DHFR2: variants seen among roughly 807,000 people sequenced by gnomAD.
DHFR2 encodes dihydrofolate reductase 2, mitochondrial.
A neutral mutation model predicts 12.0 loss-of-function variants in DHFR2; 11 were observed. The ratio of observed to expected loss-of-function variants is 0.92; its 90% CI spans 0.58 to 1.52. The LOEUF is 1.52. DHFR2 is among the 40% of genes most tolerant of loss of function. The pLI is 0.00. For synonymous variants in DHFR2, 87 were observed against 79.6 expected, an observed-to-expected ratio of 1.09 and a Z score of -0.49; for missense variants, 188 against 221.2, an observed-to-expected ratio of 0.85 and a Z score of 0.95.
upstream of DHFR2, chr3:94,063,212 G>A: frequency 1.3e-6 from 2 of 1,481,818 alleles, no homozygotes; most frequent in Non-Finnish European, 1.9e-6. Context: ...TGGCGAGGGA[G>A]GGTGCTGGGA....
chr3:94,062,922 C>T (rs922593172), upstream of DHFR2: 2 of 572,622 alleles, frequency 3.5e-6, no homozygotes, highest in Non-Finnish European at 6.3e-6. Context: ...TAACTGCGCA[C>T]GAAATCTCCC....
rs568045605 is a variant in DHFR2 at position 94,058,180 on chromosome 3, T to C, written c.*2768A>G. ...TCAAATGGCTCCAAAAGTCTTACAA[T>C]GAAAACAGTCCTGCGACTTGTTCTT... is the stretch of plus-strand genomic sequence containing the variant. On this transcript the variant is annotated 3_prime_UTR_variant, in exon 2 of 2. Coordinates refer to ENST00000314636, the MANE Select transcript of DHFR2 (RefSeq NM_176815.5). 1 of 152,314 alleles carries C rather than the reference T, an allele frequency of 6.6e-6. No homozygotes were observed. Among genetic ancestry groups the C allele is most frequent in the South Asian group, 2.1e-4 (1 of 4,828 alleles). The allele number at this position is 152,314 out of a possible 1,614,324, so 9.4% of individuals were successfully genotyped here. A position where few individuals can be genotyped will look rare whatever the true frequency, so the allele number is the denominator to read the frequency against.
Position 94,061,662 on chromosome 3 carries a change from C to G in DHFR2, c.-95-56G>C. 2.7e-6 allele frequency: 3 copies of G among 1,115,894 alleles called. No individual in the cohort carries two copies. The South Asian group carries it at 1.2e-4, about 44-fold the overall frequency. 69.1% of individuals were successfully genotyped at this position (1,115,894 alleles called of 1,614,324 possible). On this transcript the variant is annotated intron_variant, in intron 1 of 1. Transcript: ENST00000314636. ...ATTAATTGCAACATTCTGGAATGAA[C>G]ATAGAAAAATAAATTATATAAAATA...
At position 94,060,397 on chromosome 3, in the gene DHFR2, T is replaced by C. The variant is rs560762709; in HGVS notation, c.*551A>G. On this transcript the variant is annotated 3_prime_UTR_variant, in exon 2 of 2. Transcript: ENST00000314636. ...TCGATTGATGACTTCTGGTATGACC[T>C]AGCAAATAAACTGCTTTCACTTAAA... The C allele has an allele frequency of 5.1e-4, 80 of 157,024 alleles. No homozygotes were observed. The highest frequency in any genetic ancestry group is 8.9e-4 in the Non-Finnish European group (63 of 70,998). 9.7% of individuals were successfully genotyped at this position (157,024 alleles called of 1,614,324 possible). A position where few individuals can be genotyped will look rare whatever the true frequency, so the allele number is the denominator to read the frequency against.
chr3:94,060,828 A>C lies in DHFR2; in HGVS notation c.*120T>G. 3 of 1,135,640 alleles carry C rather than the reference A, an allele frequency of 2.6e-6. No homozygotes were observed. The South Asian group carries it at 4.8e-5, about 18-fold the overall frequency. The allele number at this position is 1,135,640 out of a possible 1,614,324, so 70.3% of individuals were successfully genotyped here. ...GCCAAGATTAGTGAGGAATAAAAACACGTTGCTTAGAAATAATTATCCATA... is the reference window on the plus strand; with the variant it reads ...GCCAAGATTAGTGAGGAATAAAAACCCGTTGCTTAGAAATAATTATCCATA... On this transcript the variant is annotated 3_prime_UTR_variant, in exon 2 of 2. Coordinates refer to ENST00000314636, the MANE Select transcript of DHFR2 (RefSeq NM_176815.5).
At chr3:94,063,139 G>A (rs1560026989), upstream of DHFR2, 1 of 1,614,034 alleles carries the variant, frequency 6.2e-7, no homozygotes, top group Non-Finnish European at 8.5e-7. Flanking sequence ...GCTGACCCAG[G>A]TGAGACCTGG....
At position 94,058,733 on chromosome 3, in the gene DHFR2, T is replaced by G. The variant is rs1211195955; in HGVS notation, c.*2215A>C. The G allele has an allele frequency of 1.4e-3, 179 of 128,650 alleles. No homozygotes were observed. The highest frequency in any genetic ancestry group is 5.0e-3 in the African/African-American group (152 of 30,176). 8.0% of individuals were successfully genotyped at this position (128,650 alleles called of 1,614,324 possible). ...AACCCTTCCCCCTTGTTTTTTTTTG[T>G]TTTTTTTTTTTTTTACTTTTGCTTT... is the stretch of plus-strand genomic sequence containing the variant. On this transcript the variant is annotated 3_prime_UTR_variant, in exon 2 of 2. Coordinates refer to ENST00000314636, the MANE Select transcript of DHFR2 (RefSeq NM_176815.5).
chr3:94,062,565 A>G (rs1459396899), intron 1 of DHFR2, among the ~76,000 whole-genome samples, 181 bp downstream of exon 1: 1 of 152,244 alleles, frequency 6.6e-6, no homozygotes, highest in Non-Finnish European at 1.5e-5. Flanking sequence ...CAGTCATCAT[A>G]CAACATAACC....
At chr3:94,062,264 C>T (rs1303398997) in intron 1 of DHFR2, among the ~76,000 whole-genome samples, 2 of 152,058 alleles carry the variant, frequency 1.3e-5, no homozygotes, top group Non-Finnish European at 2.9e-5. Flanking sequence ...GGTATCAACG[C>T]GACAAAAATC....
chr3:94,063,151 G>A (rs1408061653), upstream of DHFR2: 3 of 1,613,712 alleles, frequency 1.9e-6, no homozygotes, highest in South Asian at 2.2e-5. Flanking sequence ...GAGACCTGGG[G>A]CCCGGCTGGG....
chr3:94,063,106 T>C (rs1257154747), upstream of DHFR2: 2 of 1,614,010 alleles, frequency 1.2e-6, no homozygotes, highest in Non-Finnish European at 1.7e-6. Flanking sequence ...CACCTGTTGT[T>C]TGAAAGCTCT....
In DHFR2 at chr3:94,058,509, T is replaced by G. The variant is rs1266110748; in HGVS notation, c.*2439A>C. On this transcript the variant is annotated 3_prime_UTR_variant, in exon 2 of 2. Coordinates refer to ENST00000314636, the MANE Select transcript of DHFR2 (RefSeq NM_176815.5). ...GATTTCTTGATATGACAGATGAGGA[T>G]TTAGCTCTTACACCATCACTATCTT... is the stretch of plus-strand genomic sequence containing the variant. The G allele has an allele frequency of 6.6e-6, 1 of 152,202 alleles. No individual in the cohort carries two copies. The highest frequency in any genetic ancestry group is 1.5e-5 in the Non-Finnish European group (1 of 68,072). 9.4% of individuals were successfully genotyped at this position (152,202 alleles called of 1,614,324 possible). A position where few individuals can be genotyped will look rare whatever the true frequency, so the allele number is the denominator to read the frequency against.
chr3:94,061,512 G>A lies in DHFR2; in HGVS notation c.-1C>T. ...CGATGCAGTTTAGCAAAAGAAACAT[G>A]ACAGCAGCGGTTAACACCTCCGAAC... On this transcript the variant is annotated 5_prime_UTR_variant, in exon 2 of 2. Coordinates refer to ENST00000314636, the MANE Select transcript of DHFR2 (RefSeq NM_176815.5). 1 of 1,614,124 alleles carries A rather than the reference G, an allele frequency of 6.2e-7. No individual in the cohort carries two copies. The highest frequency in any genetic ancestry group is 1.3e-5 in the African/African-American group (1 of 75,034).
chr3:94,063,236 C>A, upstream of DHFR2: 1 of 1,188,006 alleles, frequency 8.4e-7, no homozygotes, highest in Non-Finnish European at 1.3e-6. Context: ...GGGAACATCA[C>A]CTTTGTTCGT....
chr3:94,061,122 G>A lies in DHFR2; in HGVS notation c.390C>T (p.Gly130=). ...TCCTTGTCACAAATAGTTTAAGATG[G>A]CCTAGGTGATTCATGGCTTCCTTAT... ...SVYKEAMNHL[G]HLKLFVTRIM... Residue 130 remains glycine, a synonymous_variant, in exon 2 of 2, where the codon GGC becomes GGT. Coordinates refer to ENST00000314636, the MANE Select transcript of DHFR2 (RefSeq NM_176815.5). The A allele has an allele frequency of 6.2e-7, 1 of 1,613,866 alleles. No homozygotes were observed. The highest frequency in any genetic ancestry group is 8.5e-7 in the Non-Finnish European group (1 of 1,179,850).
At position 94,058,732 on chromosome 3, in the gene DHFR2, G is replaced by GTT. The variant is rs1221588717; in HGVS notation, c.*2214_*2215dup. ...CAACCCTTCCCCCTTGTTTTTTTTT[G>GTT]TTTTTTTTTTTTTTTACTTTTGCTT... On this transcript the variant is annotated 3_prime_UTR_variant, in exon 2 of 2. Transcript: ENST00000314636. The GTT allele has an allele frequency of 8.9e-4, 113 of 126,910 alleles. No individual in the cohort carries two copies. The highest frequency in any genetic ancestry group is 1.9e-3 in the East Asian group (8 of 4,314). 7.9% of individuals were successfully genotyped at this position (126,910 alleles called of 1,614,324 possible). A position where few individuals can be genotyped will look rare whatever the true frequency, so the allele number is the denominator to read the frequency against.
chr3:94,062,987 C>G (rs924120398), upstream of DHFR2: 1 of 904,182 alleles, frequency 1.1e-6, no homozygotes, highest in Non-Finnish European at 1.8e-6. Flanking sequence ...ATCAGTATCT[C>G]GCGAGAAATT....
rs2077156550 is a variant in DHFR2, at chr3:94,058,678, TC to T, written c.*2269del. 1 of 154,440 alleles carries T rather than the reference TC, an allele frequency of 6.5e-6. No individual in the cohort carries two copies. Among genetic ancestry groups the T allele is most frequent in the African/African-American group, 2.4e-5 (1 of 41,496 alleles). 9.6% of individuals were successfully genotyped at this position (154,440 alleles called of 1,614,324 possible). A position where few individuals can be genotyped will look rare whatever the true frequency, so the allele number is the denominator to read the frequency against. Reference sequence around the variant, plus strand: ...CTCTTACTTCCTATCCTGTACTTCTTCCTGCCCTAGAATTAATTATTGCCTA... The same window carrying T: ...CTCTTACTTCCTATCCTGTACTTCTTCTGCCCTAGAATTAATTATTGCCTA... On this transcript the variant is annotated 3_prime_UTR_variant, in exon 2 of 2. Coordinates refer to ENST00000314636, the MANE Select transcript of DHFR2 (RefSeq NM_176815.5).
chr3:94,061,300 C>A lies in DHFR2; in HGVS notation c.212G>T (p.Arg71Ile), dbSNP rs775609912. ...TTCTCTGCTGAGAACTAAATTAATT[C>A]TATCCTTTAAAGGTCGATTCTTCTC... ...IPEKNRPLKD[R>I]INLVLSRELK... Residue 71 changes from arginine to isoleucine, a missense_variant, in exon 2 of 2, where the codon AGA becomes ATA. Coordinates refer to ENST00000314636, the MANE Select transcript of DHFR2 (RefSeq NM_176815.5). The A allele has an allele frequency of 1.3e-5, 21 of 1,613,888 alleles. No individual in the cohort carries two copies. The highest frequency in any genetic ancestry group is 8.0e-5 in the African/African-American group (6 of 74,934).
Sources: gnomAD v4.1 joint callset for allele counts (sites outside exome capture counted in the v4.1 genomes callset) on GRCh38, gnomAD v4.1.1 for gene constraint, MANE v1.5 for transcripts, NCBI Gene and HGNC (gene_info 2026-07-23, HGNC 2026-07-21) for gene names.